Variants in ALPK1 observed in about 807,000 individuals in gnomAD.
ALPK1 encodes alpha kinase 1, also known as alpha-protein kinase 1.
ALPK1 carries 110 observed loss-of-function variants against 120.6 expected under a neutral mutation model. The ratio of observed to expected loss-of-function variants is 0.91; its 90% CI spans 0.78 to 1.07. The LOEUF (loss-of-function observed/expected upper bound fraction) is 1.07, where lower values mean the gene tolerates loss of function less well. Among genes scored for constraint, ALPK1 ranks in the 50% least tolerant of loss-of-function variants. The pLI, the probability that ALPK1 is intolerant of heterozygous loss-of-function variation, is 0.00. For missense variants in ALPK1, 1,498 were observed against 1,483.9 expected (o/e 1.01, Z -0.16); for synonymous variants, 582 against 560.3 (o/e 1.04, Z -0.55).
chr4:112,404,772 C>G (rs1038374617), intron 4 of ALPK1, among the ~76,000 whole-genome samples: 4 of 152,154 alleles, frequency 2.6e-5, no homozygotes, highest in African/African-American at 9.7e-5. Context: ...TTTTGTGTGC[C>G]TATAAATATT....
At chr4:112,373,115 T>A (rs1161108120) in intron 2 of ALPK1, among the ~76,000 whole-genome samples, 2 of 152,236 alleles carry the variant, frequency 1.3e-5, no homozygotes, top group African/African-American at 4.8e-5. Context: ...GTTCTTAATC[T>A]TCTAAACCAC....
intron 2 of ALPK1, among the ~76,000 whole-genome samples, chr4:112,321,868 T>C (rs570810795): frequency 1.3e-5 from 2 of 152,354 alleles, no homozygotes; most frequent in East Asian, 3.9e-4. Flanking sequence ...TTATAATTTA[T>C]TTAGACCTGT....
At position 112,431,137 on chromosome 4, in the gene ALPK1, A is replaced by T. The variant is rs769159215; in HGVS notation, c.1590A>T (p.Glu530Asp). Residue 530 changes from glutamate to aspartate, a missense_variant, in exon 11 of 16, where the codon GAA becomes GAT. Coordinates refer to ENST00000650871, the MANE Select transcript of ALPK1 (RefSeq NM_025144.4). Reference sequence around the variant, plus strand: ...TAATGGGTAAGAATGTTCAGAGGGAACTCAGAAGGGGAGGAAGGAGAAACT... The same window carrying T: ...TAATGGGTAAGAATGTTCAGAGGGATCTCAGAAGGGGAGGAAGGAGAAACT... ...SSLMGKNVQR[E>D]LRRGGRRNWT... is the part of the protein sequence containing the mutation. 1 of 1,614,186 alleles carries T rather than the reference A, an allele frequency of 6.2e-7. No individual in the cohort carries two copies. Among genetic ancestry groups the T allele is most frequent in the South Asian group, 1.1e-5 (1 of 91,082 alleles).
intron 4 of ALPK1, among the ~76,000 whole-genome samples, chr4:112,401,744 C>T (rs982353782): frequency 3.3e-5 from 5 of 152,154 alleles, no homozygotes; most frequent in Non-Finnish European, 7.3e-5. Flanking sequence ...GCTTTCTTTT[C>T]CCTTTAACAG....
At chr4:112,380,512 T>C (rs973927518) in intron 3 of ALPK1, among the ~76,000 whole-genome samples, 2 of 152,152 alleles carry the variant, frequency 1.3e-5, no homozygotes, top group Middle Eastern at 3.2e-3. Context: ...TGCCAAACAG[T>C]CCTTCCCCAC....
intron 2 of ALPK1, chr4:112,357,224 C>G: frequency 6.6e-7 from 1 of 1,521,524 alleles, no homozygotes; most frequent in Non-Finnish European, 8.9e-7. Context: ...GGGCTGCATC[C>G]TGGACTCACT....
rs781042500 is a variant in ALPK1, at chr4:112,432,458, G to A, written c.2911G>A (p.Glu971Lys). 2.5e-6 allele frequency: 4 copies of A among 1,614,184 alleles called. No homozygotes were observed. Among genetic ancestry groups the A allele is most frequent in the Admixed American group, 1.7e-5 (1 of 60,014 alleles). ...LPGKMRKEIL[E>K]ARTLQPDDFE... Reference sequence around the variant, plus strand: ...GGGAAAGATGAGGAAAGAGATCCTTGAGGCTCGCACCTTGCAACCTGATGA... The same window carrying A: ...GGGAAAGATGAGGAAAGAGATCCTTAAGGCTCGCACCTTGCAACCTGATGA... Residue 971 changes from glutamate (E) to lysine (K), a missense_variant, in exon 11 of 16, where the codon GAG becomes AAG. Physicochemically the swap from Glu to Lys is moderately conservative, Grantham distance 56. Transcript: ENST00000650871.
At chr4:112,344,592 A>G (rs1187923228) in intron 2 of ALPK1, among the ~76,000 whole-genome samples, 1 of 152,252 alleles carries the variant, frequency 6.6e-6, no homozygotes, top group African/African-American at 2.4e-5. Flanking sequence ...ATGTATTGAT[A>G]CATTTTGAAA....
chr4:112,427,606 T>A lies in ALPK1; in HGVS notation c.736T>A (p.Phe246Ile). The A allele has an allele frequency of 6.2e-7, 1 of 1,614,132 alleles. No individual in the cohort carries two copies. The highest frequency in any genetic ancestry group is 8.5e-7 in the Non-Finnish European group (1 of 1,179,990). Residue 246 changes from phenylalanine to isoleucine, a missense_variant, in exon 9 of 16, where the codon TTT (phenylalanine) becomes ATT (isoleucine). Coordinates refer to ENST00000650871, the MANE Select transcript of ALPK1 (RefSeq NM_025144.4). ...STSLGILADI[F>I]VSMSKNDYEK... ...GTCGCTAGGTATACTGGCAGACATC[T>A]TTGTTTCCATGAGCAAGAACGATTA...
chr4:112,316,916 T>A, intron 2 of ALPK1, among the ~76,000 whole-genome samples: 1 of 152,186 alleles, frequency 6.6e-6, no homozygotes. Context: ...CCAAAAAGGA[T>A]GTTTCTTCAC....
intron 2 of ALPK1, among the ~76,000 whole-genome samples, chr4:112,339,599 T>G (rs2148705229): frequency 6.6e-6 from 1 of 152,358 alleles, no homozygotes; most frequent in Middle Eastern, 3.4e-3. Context: ...TCACTAATTT[T>G]CCTTTGTTTT....
intron 2 of ALPK1, among the ~76,000 whole-genome samples, chr4:112,365,320 C>T (rs1731094442): frequency 6.6e-6 from 1 of 152,172 alleles, no homozygotes; most frequent in East Asian, 1.9e-4. Flanking sequence ...CCTAAAGACT[C>T]ATCCAAAAAG....
chr4:112,355,819 AC>A (rs1014748627), intron 2 of ALPK1, among the ~76,000 whole-genome samples: 17 of 152,224 alleles, frequency 1.1e-4, no homozygotes, highest in African/African-American at 3.9e-4. Flanking sequence ...GCGGAAGTGC[AC>A]CGCGCTCAAC....
intron 14 of ALPK1, 76 bp from the exon 15 acceptor site, chr4:112,440,841 G>GTGTA (rs1553965171): frequency 3.9e-6 from 6 of 1,527,040 alleles, no homozygotes; most frequent in Admixed American, 2.0e-5. Flanking sequence ...GTGTGTGTGT[G>GTGTA]TGTATGTATT....
intron 2 of ALPK1, among the ~76,000 whole-genome samples, chr4:112,372,854 C>T (rs56233136): frequency 0.12 from 18,522 of 152,044 alleles, 1,399 homozygotes; most frequent in African/African-American, 0.21. Context: ...CCACTTTCTA[C>T]CTTAAGGGAA....
chr4:112,429,278 AAC>A, intron 10 of ALPK1, 25 bp downstream of exon 10: 7 of 1,577,586 alleles, frequency 4.4e-6, no homozygotes, highest in Non-Finnish European at 6.1e-6. Context: ...CCGCTCCTCA[AAC>A]CCCCACAGGA....
Position 112,431,153 on chromosome 4 carries a change from A to C in ALPK1, c.1606A>C (p.Arg536=). Residue 536 remains arginine (R), a synonymous_variant, in exon 11 of 16, where the codon AGG becomes CGG. Coordinates refer to ENST00000650871, the MANE Select transcript of ALPK1 (RefSeq NM_025144.4). ...TCAGAGGGAACTCAGAAGGGGAGGA[A>C]GGAGAAACTGGACCCATTCTGATGC... ...NVQRELRRGG[R]RNWTHSDAFR... is the part of the protein sequence containing the mutation. 1 of 1,614,184 alleles carries C rather than the reference A, an allele frequency of 6.2e-7. No homozygotes were observed. Among genetic ancestry groups the C allele is most frequent in the Non-Finnish European group, 8.5e-7 (1 of 1,180,036 alleles).
chr4:112,412,134 G>C (rs1367480123), intron 5 of ALPK1, 109 bp downstream of exon 5: 1 of 1,389,788 alleles, frequency 7.2e-7, no homozygotes, highest in African/African-American at 1.4e-5. Flanking sequence ...GGCCCTGCGT[G>C]CCATCTTTCC....
chr4:112,357,814 A>G, intron 2 of ALPK1: 2 of 1,028,226 alleles, frequency 1.9e-6, no homozygotes, highest in Non-Finnish European at 1.5e-6. Flanking sequence ...ATATCCCATC[A>G]TGGAAAAGAG....
Sources: gnomAD v4.1 joint callset for allele counts (sites outside exome capture counted in the v4.1 genomes callset) on GRCh38, gnomAD v4.1.1 for gene constraint, MANE v1.5 for transcripts, NCBI Gene and HGNC (gene_info 2026-07-23, HGNC 2026-07-21) for gene names.